The following PLAGL1 variants were observed in gnomAD, a reference collection of about 807,000 sequenced individuals.
The protein encoded by PLAGL1 is PLAG1 like zinc finger 1.
PLAGL1 carries 1 observed loss-of-function variant against 4.6 expected under a neutral mutation model. The observed-to-expected ratio is 0.22, with a 90% CI of 0.08 to 1.03. PLAGL1 has a LOEUF of 1.03. PLAGL1 is among the 50% of genes least tolerant of loss of function. The probability of loss-of-function intolerance (pLI) is 0.58; values close to 1 mark genes in which losing one functional copy is unlikely to be tolerated. For synonymous variants in PLAGL1, 240 were observed against 237.8 expected (o/e 1.01, Z -0.08); for missense variants, 464 against 570.4 (o/e 0.81, Z 1.90).
chr6:143,982,297 A>G lies in PLAGL1; in HGVS notation c.-544+2838T>C, dbSNP rs1788130954. ...ATTTAGGGAGGATCTGAAGGAGGTA[A>G]GGATGTAAGTCATGTGGCTATTTCT... On this transcript the variant is annotated intron_variant, in intron 2 of 7. Coordinates refer to ENST00000674357, the MANE Select transcript of PLAGL1 (RefSeq NM_001317162.2). The surrounding 1 kb of genome is among the most constrained non-coding windows in gnomAD (Gnocchi z 5.3). Among the ~76,000 whole-genome samples the G allele has an allele frequency of 1.3e-5, 2 of 152,154 alleles. No individual in the cohort carries two copies.
intron 1 of PLAGL1, among the ~76,000 whole-genome samples, chr6:144,038,252 G>C (rs1203392000): frequency 1.3e-5 from 2 of 152,184 alleles, no homozygotes; most frequent in Admixed American, 1.3e-4. Context: ...TTGTTTGTTT[G>C]AACTTGTGAG....
Position 143,941,893 on chromosome 6 carries a change from G to A in PLAGL1, c.923C>T (p.Thr308Ile). Residue 308 changes from threonine (T) to isoleucine (I), a missense_variant, in exon 8 of 8, where the codon ACC (threonine) becomes ATC (isoleucine). Physicochemically the swap from Thr to Ile is moderately conservative, Grantham distance 89. This residue lies in a region of PLAGL1 where 248 missense variants were observed against 250.1 expected (regional missense o/e 0.99). Transcript: ENST00000674357. The surrounding 1 kb of genome is among the most constrained non-coding windows in gnomAD (Gnocchi z 6.0). Reference protein sequence around the residue: ...LPNHKYNTTSTSYSPLASLPL... With the variant: ...LPNHKYNTTSISYSPLASLPL... The stretch of plus-strand genomic sequence containing the variant: ...CAGGCTTGCAAGTGGGGAGTATGAG[G>A]TAGAAGTGGTGTTGTACTTGTGATT... 1 of 1,613,960 alleles carries A rather than the reference G, an allele frequency of 6.2e-7. No homozygotes were observed. The highest frequency in any genetic ancestry group is 8.5e-7 in the Non-Finnish European group (1 of 1,179,980).
chr6:143,997,923 T>C lies in PLAGL1; in HGVS notation c.-584+10167A>G, dbSNP rs552999117. Among the ~76,000 whole-genome samples the C allele has an allele frequency of 6.6e-6, 1 of 152,346 alleles. No homozygotes were observed. The highest frequency in any genetic ancestry group is 2.1e-4 in the South Asian group (1 of 4,828). ...AAGAATGGCAGATTTCATATGTTTTTCTTCCCCATGTATTTTAGGCCTCAA... is the reference window on the plus strand; with the variant it reads ...AAGAATGGCAGATTTCATATGTTTTCCTTCCCCATGTATTTTAGGCCTCAA... On this transcript the variant is annotated intron_variant, in intron 1 of 7. Coordinates refer to ENST00000674357, the MANE Select transcript of PLAGL1 (RefSeq NM_001317162.2). The surrounding 1 kb of genome is among the most constrained non-coding windows in gnomAD (Gnocchi z 4.6).
intron 1 of PLAGL1, among the ~76,000 whole-genome samples, chr6:144,020,747 C>T (rs939709468): frequency 2.7e-5 from 4 of 148,422 alleles, no homozygotes; most frequent in African/African-American, 9.9e-5. Context: ...CACCCGGCCA[C>T]CACCCACTCT....
rs1788607663 is a variant in PLAGL1 at position 143,984,507 on chromosome 6, A to G, written c.-544+628T>C. Among the ~76,000 whole-genome samples the G allele has an allele frequency of 6.6e-6, 1 of 152,114 alleles. No individual in the cohort carries two copies. The highest frequency in any genetic ancestry group is 6.6e-5 in the Admixed American group (1 of 15,264). ...GAATGAGTATGCCAAGGTAGGTACT[A>G]TCGGGAAGACTGTATTAGAGGTGCG... is the stretch of plus-strand genomic sequence containing the variant. On this transcript the variant is annotated intron_variant, in intron 2 of 7. Coordinates refer to ENST00000674357, the MANE Select transcript of PLAGL1 (RefSeq NM_001317162.2). This position sits in a 1 kb window ranked among gnomAD's most constrained non-coding sequence, Gnocchi z 5.5.
Position 144,053,752 on chromosome 6 carries a change from A to G in PLAGL1, c.-151+10716T>C, listed in dbSNP as rs534344159. On this transcript the variant is annotated intron_variant, in intron 1 of 3. Coordinates refer to the PLAGL1 transcript ENST00000437412. This position sits in a 1 kb window ranked among gnomAD's most constrained non-coding sequence, Gnocchi z 4.0. ...CTCTAGTAACTATGTCAGGCCAGTT[A>G]CTGATCACGGTATTCTTGCCCAGTG... Among the ~76,000 whole-genome samples, 12 of 152,344 alleles carry G rather than the reference A, an allele frequency of 7.9e-5. No homozygotes were observed. Among genetic ancestry groups the G allele is most frequent in the Admixed American group, 3.9e-4 (6 of 15,304 alleles).
rs936637370 is a variant in PLAGL1 at position 143,945,086 on chromosome 6, C to G, written c.153-2423G>C. Among the ~76,000 whole-genome samples, 18 of 152,182 alleles carry G rather than the reference C, an allele frequency of 1.2e-4. No individual in the cohort carries two copies. The highest frequency in any genetic ancestry group is 1.1e-3 in the Admixed American group (17 of 15,268). ...ACATTTCTGAATTTCTTGACTCTTT[C>G]CCTTGCCTGGCATCTACTTCTTTCC... On this transcript the variant is annotated intron_variant, in intron 7 of 7. Coordinates refer to ENST00000674357, the MANE Select transcript of PLAGL1 (RefSeq NM_001317162.2). The surrounding 1 kb of genome is among the most constrained non-coding windows in gnomAD (Gnocchi z 4.2).
At position 143,985,471 on chromosome 6, in the gene PLAGL1, A is replaced by T. The variant is rs555468160; in HGVS notation, c.-583-297T>A. On this transcript the variant is annotated intron_variant, in intron 1 of 7. Transcript: ENST00000674357. This position sits in a 1 kb window ranked among gnomAD's most constrained non-coding sequence, Gnocchi z 4.4. The stretch of plus-strand genomic sequence containing the variant: ...AGTCAAAATATTGAACAGTTCCATC[A>T]CAAGGATCCATCATGTTGCCCTTTT... 2.6e-5 allele frequency among the ~76,000 whole-genome samples: 4 copies of T among 152,314 alleles called. No homozygotes were observed. The highest frequency in any genetic ancestry group is 6.5e-5 in the Admixed American group (1 of 15,296).
Position 143,979,142 on chromosome 6 carries a change from C to T in PLAGL1, c.-544+5993G>A, listed in dbSNP as rs995740589. Among the ~76,000 whole-genome samples, 4 of 152,010 alleles carry T rather than the reference C, an allele frequency of 2.6e-5. No individual in the cohort carries two copies. Among genetic ancestry groups the T allele is most frequent in the African/African-American group, 4.8e-5 (2 of 41,394 alleles). On this transcript the variant is annotated intron_variant, in intron 2 of 7. Transcript: ENST00000674357. The surrounding 1 kb of genome is among the most constrained non-coding windows in gnomAD (Gnocchi z 4.6). Reference sequence around the variant, plus strand: ...TGCTAAAAATGATATTTTTTTCATCCGTTAGCTTATAATCTATTTGTGTCT... The same window carrying T: ...TGCTAAAAATGATATTTTTTTCATCTGTTAGCTTATAATCTATTTGTGTCT...
In PLAGL1 at chr6:143,941,196, T is replaced by TTTGA. The variant is rs1303666609; in HGVS notation, c.*224_*227dup. On this transcript the variant is annotated 3_prime_UTR_variant, in exon 8 of 8. Transcript: ENST00000674357. The surrounding 1 kb of genome is among the most constrained non-coding windows in gnomAD (Gnocchi z 6.0). ...ATGTTGGTTATGACAATATTTGCAG[T>TTTGA]TTGATTACAGAACACGCGTTCATTA... 21 of 378,206 alleles carry TTTGA rather than the reference T, an allele frequency of 5.6e-5. No homozygotes were observed. The East Asian group carries it at 7.9e-4, about 14-fold the overall frequency. The allele number at this position is 378,206 out of a possible 1,614,324, so 23.4% of individuals were successfully genotyped here.
rs543592637 is a variant in PLAGL1 at position 143,952,112 on chromosome 6, A to G, written c.-324-3652T>C. ...CAAAGCTTAGCTATTAAAAAACGAC[A>G]ACAACAACAACAACAACTGTGGGTA... On this transcript the variant is annotated intron_variant, in intron 6 of 7. Coordinates refer to ENST00000674357, the MANE Select transcript of PLAGL1 (RefSeq NM_001317162.2). This position sits in a 1 kb window ranked among gnomAD's most constrained non-coding sequence, Gnocchi z 6.1. Among the ~76,000 whole-genome samples the G allele has an allele frequency of 6.6e-6, 1 of 152,194 alleles. No individual in the cohort carries two copies. The highest frequency in any genetic ancestry group is 2.1e-4 in the South Asian group (1 of 4,816).
chr6:144,059,154 T>C lies in PLAGL1; in HGVS notation c.-151+5314A>G, dbSNP rs549726870. 2.0e-5 allele frequency among the ~76,000 whole-genome samples: 3 copies of C among 152,358 alleles called. No individual in the cohort carries two copies. Among genetic ancestry groups the C allele is most frequent in the African/African-American group, 4.8e-5 (2 of 41,580 alleles). On this transcript the variant is annotated intron_variant, in intron 1 of 3. Transcript: ENST00000437412. The surrounding 1 kb of genome is among the most constrained non-coding windows in gnomAD (Gnocchi z 4.9). The stretch of plus-strand genomic sequence containing the variant: ...GGTGGAAGCTGCCAAGCCTCCTTCA[T>C]TCCTGCATTCCATGCACCCACAGGA...
chr6:144,023,768 C>CTTTTTTTTTTT (rs34002736), intron 1 of PLAGL1, among the ~76,000 whole-genome samples: 14 of 72,664 alleles, frequency 1.9e-4, no homozygotes, highest in African/African-American at 7.2e-4. Flanking sequence ...TCATATTTAG[C>CTTTTTTTTTTT]TTTTTTTTTT....
intron 1 of PLAGL1, among the ~76,000 whole-genome samples, chr6:144,001,317 T>C (rs909506053): frequency 6.6e-6 from 1 of 151,896 alleles, no homozygotes; most frequent in East Asian, 1.9e-4. Flanking sequence ...TAAATAAATA[T>C]CCATCAATAT....
Position 143,948,324 on chromosome 6 carries a change from C to G in PLAGL1, c.-188G>C. On this transcript the variant is annotated 5_prime_UTR_variant, in exon 7 of 8. Coordinates refer to ENST00000674357, the MANE Select transcript of PLAGL1 (RefSeq NM_001317162.2). This position sits in a 1 kb window ranked among gnomAD's most constrained non-coding sequence, Gnocchi z 6.0. Reference sequence around the variant, plus strand: ...GACCTCTCAGCTGTCACTAGCTTTGCTTCCTGCTTTCACACATCCCAGTTT... The same window carrying G: ...GACCTCTCAGCTGTCACTAGCTTTGGTTCCTGCTTTCACACATCCCAGTTT... The G allele has an allele frequency of 1.8e-6, 1 of 565,570 alleles. No homozygotes were observed. Among genetic ancestry groups the G allele is most frequent in the Non-Finnish European group, 3.2e-6 (1 of 313,680 alleles). 35.0% of individuals were successfully genotyped at this position (565,570 alleles called of 1,614,324 possible). A position where few individuals can be genotyped will look rare whatever the true frequency, so the allele number is the denominator to read the frequency against.
rs1796433892 is a variant in PLAGL1, at chr6:144,027,270, A to G, written c.-151+37198T>C. ...AAGAAAGAAAGAAAGAAAGAAAGAA[A>G]GAAAGAAAGAAAGAAAGAAAGAAAG... On this transcript the variant is annotated intron_variant, in intron 1 of 3. Coordinates refer to the PLAGL1 transcript ENST00000437412. The surrounding 1 kb of genome is among the most constrained non-coding windows in gnomAD (Gnocchi z 5.8). Among the ~76,000 whole-genome samples, 1 of 147,418 alleles carries G rather than the reference A, an allele frequency of 6.8e-6. No individual in the cohort carries two copies.
intron 7 of PLAGL1, among the ~76,000 whole-genome samples, chr6:143,946,957 A>C (rs6930726): frequency 0.47 from 71,346 of 152,044 alleles, 16,990 homozygotes; most frequent in East Asian, 0.67. Flanking sequence ...CTGCATGTAC[A>C]TGGAGTCTTT....
At chr6:144,002,483 AT>A (rs796543841) in intron 1 of PLAGL1, among the ~76,000 whole-genome samples, 11 of 152,092 alleles carry the variant, frequency 7.2e-5, no homozygotes, top group African/African-American at 2.2e-4. Flanking sequence ...TATTTAAACC[AT>A]TTTTTTTCCA....
chr6:144,025,974 CCACATATATAA>C (rs1267940758), intron 1 of PLAGL1, among the ~76,000 whole-genome samples: 2 of 152,118 alleles, frequency 1.3e-5, no homozygotes, highest in African/African-American at 4.8e-5. Flanking sequence ...GGGAATACTG[CCACATATATAA>C]CACGAATACT....
Sources: allele counts gnomAD v4.1 joint callset (sites outside exome capture counted in the v4.1 genomes callset), GRCh38; gene constraint gnomAD v4.1.1; regional missense constraint gnomAD v4.1.1; non-coding constraint Gnocchi (gnomAD v3.1); transcripts MANE v1.5; gene names NCBI Gene and HGNC (gene_info 2026-07-23, HGNC 2026-07-21).